The following TASP1 variants were observed in gnomAD, a reference collection of about 807,000 sequenced individuals.
TASP1 encodes the protein threonine aspartase 1.
Under a neutral mutation model 56.6 loss-of-function variants are expected in TASP1, and 16 were observed. The ratio of observed to expected loss-of-function variants is 0.28; its 90% CI spans 0.19 to 0.43. The LOEUF (loss-of-function observed/expected upper bound fraction) is 0.43. Among genes scored for constraint, TASP1 ranks in the 20% least tolerant of loss-of-function variants. The pLI, the probability that TASP1 is intolerant of heterozygous loss-of-function variation, is 1.00. For synonymous variants in TASP1, 179 were observed against 184.2 expected, an observed-to-expected ratio of 0.97 and a Z score of 0.23; for missense variants, 393 against 511.6, an observed-to-expected ratio of 0.77 and a Z score of 2.24.
chr20:13,165,099 TACACACACAC>T, the TASP1 span: 3 of 374,238 alleles, frequency 8.0e-6, no homozygotes, highest in Non-Finnish European at 9.6e-6. Flanking sequence ...CTACTAGAAA[TACACACACAC>T]ACACACACAC....
intron 8 of TASP1, 110 bp downstream of exon 8, chr20:13,558,898 T>A: frequency 1.7e-6 from 1 of 574,768 alleles, no homozygotes; most frequent in Non-Finnish European, 2.8e-6. Context: ...AAAGTACATA[T>A]GTGACACACA....
chr20:13,245,663 T>C, the TASP1 span, among the ~76,000 whole-genome samples: 1 of 152,214 alleles, frequency 6.6e-6, no homozygotes, highest in Non-Finnish European at 1.5e-5. Flanking sequence ...GTCCTTACTT[T>C]TCCAGATTTC....
chr20:13,266,055 A>T, the TASP1 span, among the ~76,000 whole-genome samples: 1 of 152,298 alleles, frequency 6.6e-6, no homozygotes, highest in Admixed American at 6.5e-5. Flanking sequence ...ACCGAATCTG[A>T]AAACTCCTTT....
the TASP1 span, among the ~76,000 whole-genome samples, chr20:13,330,851 A>G: frequency 6.6e-6 from 1 of 152,100 alleles, no homozygotes; most frequent in Non-Finnish European, 1.5e-5. Flanking sequence ...CAGAGTCTGT[A>G]TCTTTTATTC....
chr20:13,283,104 G>A, the TASP1 span, among the ~76,000 whole-genome samples: 5 of 151,970 alleles, frequency 3.3e-5, 1 homozygote, highest in African/African-American at 4.8e-5. Context: ...GCAGTGGTGC[G>A]ATCATAGCTC....
the TASP1 span, among the ~76,000 whole-genome samples, chr20:13,232,481 T>G: frequency 6.6e-6 from 1 of 152,238 alleles, no homozygotes; most frequent in South Asian, 2.1e-4. Flanking sequence ...AATTTGTTCC[T>G]TTTTATTACC....
chr20:13,564,815 G>C (rs1601264136), intron 7 of TASP1, among the ~76,000 whole-genome samples: 1 of 151,596 alleles, frequency 6.6e-6, no homozygotes, highest in Admixed American at 6.6e-5. Flanking sequence ...AGCCTGGCCA[G>C]CATGGTGAAA....
intron 10 of TASP1, among the ~76,000 whole-genome samples, chr20:13,501,461 T>G (rs1039747065): frequency 1.3e-5 from 2 of 152,056 alleles, no homozygotes; most frequent in Non-Finnish European, 2.9e-5. Flanking sequence ...TGAACTTAAC[T>G]TTTTAAGTTT....
At chr20:13,119,379 C>T in the TASP1 span, among the ~76,000 whole-genome samples, 1 of 152,194 alleles carries the variant, frequency 6.6e-6, no homozygotes, top group Non-Finnish European at 1.5e-5. Context: ...AACACCAGTT[C>T]ACCATGATTC....
the TASP1 span, among the ~76,000 whole-genome samples, chr20:13,232,584 G>T: frequency 6.6e-6 from 1 of 152,206 alleles, no homozygotes; most frequent in Non-Finnish European, 1.5e-5. Context: ...AAGATGCTGT[G>T]AACATTCAGG....
the TASP1 span, among the ~76,000 whole-genome samples, chr20:13,352,114 T>C: frequency 6.6e-5 from 10 of 152,182 alleles, no homozygotes; most frequent in Admixed American, 6.5e-4. Flanking sequence ...TCTAGAATAA[T>C]GAGAAATCAA....
chr20:13,292,441 T>C, the TASP1 span: 2 of 1,603,670 alleles, frequency 1.2e-6, no homozygotes, highest in Admixed American at 1.7e-5. Context: ...AGGAGTTTAA[T>C]GCCACCAAAC....
the TASP1 span, among the ~76,000 whole-genome samples, chr20:13,279,412 G>C: frequency 6.6e-6 from 1 of 152,148 alleles, no homozygotes; most frequent in East Asian, 1.9e-4. Context: ...CTCTAGTGAT[G>C]AATTTTCCCC....
chr20:13,588,966 T>C lies in TASP1; in HGVS notation c.283-1596A>G, dbSNP rs75037795. Among the ~76,000 whole-genome samples, 822 of 151,516 alleles carry C rather than the reference T, an allele frequency of 5.4e-3. 5 individuals are homozygous for C. Among genetic ancestry groups the C allele is most frequent in the African/African-American group, 0.016 (680 of 41,330 alleles). The stretch of plus-strand genomic sequence containing the variant: ...AGGATAGATATATAAATTGATATAA[T>C]AGAAATGAGAATCCAGAAATAATAC... On this transcript the variant is annotated intron_variant, in intron 4 of 13. Coordinates refer to ENST00000337743, the MANE Select transcript of TASP1 (RefSeq NM_017714.3).
At chr20:13,299,156 T>C in the TASP1 span, 4 of 1,611,090 alleles carry the variant, frequency 2.5e-6, no homozygotes, top group Non-Finnish European at 3.4e-6. This position sits in a 1 kb window ranked among gnomAD's most constrained non-coding sequence, Gnocchi z 5.8. Flanking sequence ...ACAAGCCCAC[T>C]GCCCGGTACT....
intron 11 of TASP1, among the ~76,000 whole-genome samples, chr20:13,480,303 T>C (rs2043092826): frequency 6.6e-6 from 1 of 152,198 alleles, no homozygotes; most frequent in Non-Finnish European, 1.5e-5. Context: ...GAAACAACTG[T>C]CTTGACTCCC....
At chr20:13,364,920 A>T in the TASP1 span, among the ~76,000 whole-genome samples, 1 of 148,020 alleles carries the variant, frequency 6.8e-6, no homozygotes, top group East Asian at 2.0e-4. Context: ...CCATTGAACT[A>T]TTTTTTTTTT....
intron 12 of TASP1, among the ~76,000 whole-genome samples, chr20:13,426,764 G>A (rs2042631287): frequency 6.6e-6 from 1 of 152,048 alleles, no homozygotes; most frequent in Non-Finnish European, 1.5e-5. Context: ...GTTACTTACT[G>A]TTCTTCATTC....
rs1479506273 is a variant in TASP1 at position 13,630,689 on chromosome 20, A to G, written c.-74-537T>C. Among the ~76,000 whole-genome samples the G allele has an allele frequency of 6.7e-5, 3 of 44,856 alleles. No homozygotes were observed. In the East Asian group the frequency reaches 3.0e-3, roughly 46 times the overall value. 29.4% of individuals were successfully genotyped at this position (44,856 alleles called of 152,430 possible). On this transcript the variant is annotated intron_variant, in intron 1 of 13. Transcript: ENST00000337743. The stretch of plus-strand genomic sequence containing the variant: ...GGGCAACAAAGTAAGCTCTGTCTCA[A>G]AAAAAAAAAAAAAAAAAAAAAGGAG...
Sources: gnomAD v4.1 joint callset for allele counts (sites outside exome capture counted in the v4.1 genomes callset) on GRCh38, gnomAD v4.1.1 for gene constraint, Gnocchi (gnomAD v3.1) non-coding constraint, MANE v1.5 for transcripts, NCBI Gene and HGNC (gene_info 2026-07-23, HGNC 2026-07-21) for gene names.